The following DLG2 variants were observed in gnomAD, a reference collection of about 807,000 sequenced individuals.
DLG2 encodes discs large MAGUK scaffold protein 2.
A neutral mutation model predicts 132.5 loss-of-function variants in DLG2; 45 were observed. That is an observed-to-expected ratio of 0.34 (90% confidence interval 0.27 to 0.44). The LOEUF is 0.44. Among genes scored for constraint, DLG2 ranks in the 20% least tolerant of loss-of-function variants. DLG2 has a pLI of 1.00. For synonymous variants in DLG2, 424 were observed against 419.6 expected (o/e 1.01, Z -0.13); for missense variants, 1,045 against 1,196.9 (o/e 0.87, Z 1.87).
Position 84,008,971 on chromosome 11 carries a change from G to T in DLG2, c.920-28329C>A, listed in dbSNP as rs114572461. Among the ~76,000 whole-genome samples the T allele has an allele frequency of 4.4e-3, 658 of 151,002 alleles. 1 individual carries two copies. Among genetic ancestry groups the T allele is most frequent in the African/African-American group, 0.015 (636 of 41,192 alleles). On this transcript the variant is annotated intron_variant, in intron 11 of 27. Transcript: ENST00000376104. ...TTTTTTGACCTAGAGTGGGAATCAA[G>T]CATGTACTACTCAAACTACCTCTCT...
At position 84,358,623 on chromosome 11, in the gene DLG2, T is replaced by C. The variant is rs2098631931; in HGVS notation, c.520-107332A>G. Among the ~76,000 whole-genome samples the C allele has an allele frequency of 3.9e-5, 6 of 151,968 alleles. No individual in the cohort carries two copies. In the South Asian group the frequency reaches 1.2e-3, roughly 32 times the overall value. On this transcript the variant is annotated intron_variant, in intron 7 of 27. Coordinates refer to ENST00000376104, the MANE Select transcript of DLG2 (RefSeq NM_001142699.3). ...CCCAGGAACAAAGACTTGGCTATTATCACACATACATATTAAATGGCTGCT... is the reference window on the plus strand; with the variant it reads ...CCCAGGAACAAAGACTTGGCTATTACCACACATACATATTAAATGGCTGCT...
At chr11:84,696,054 AAAGT>A (rs1421086739) in intron 6 of DLG2, among the ~76,000 whole-genome samples, 2 of 151,562 alleles carry the variant, frequency 1.3e-5, no homozygotes, top group African/African-American at 4.8e-5. Context: ...CATGGTCTCC[AAAGT>A]AAGATGGAGA....
chr11:85,236,767 A>C (rs1211857447), intron 4 of DLG2, among the ~76,000 whole-genome samples: 2 of 152,052 alleles, frequency 1.3e-5, no homozygotes, highest in Non-Finnish European at 1.5e-5. Flanking sequence ...TGAGGTTCTA[A>C]AATTTTTATT....
chr11:84,530,332 A>G (rs1325334762), intron 7 of DLG2, among the ~76,000 whole-genome samples: 1 of 152,198 alleles, frequency 6.6e-6, no homozygotes, highest in East Asian at 1.9e-4. Context: ...ACAACAAAAG[A>G]AACTATCAAC....
In DLG2 at chr11:85,369,989, A is replaced by C. The variant is rs189948408; in HGVS notation, c.41-84624T>G. ...AAAATGTAGATGTCATTAAAATGTA[A>C]ATAGGTGAACTGAAGAATGCAGGTC... On this transcript the variant is annotated intron_variant, in intron 3 of 27. Coordinates refer to ENST00000376104, the MANE Select transcript of DLG2 (RefSeq NM_001142699.3). 7.9e-4 allele frequency among the ~76,000 whole-genome samples: 121 copies of C among 152,358 alleles called. 1 individual carries two copies. The highest frequency in any genetic ancestry group is 2.9e-3 in the Admixed American group (45 of 15,304).
chr11:84,658,135 T>G lies in DLG2; in HGVS notation c.358-123404A>C, dbSNP rs150948132. Among the ~76,000 whole-genome samples the G allele has an allele frequency of 2.9e-3, 442 of 152,218 alleles. 1 individual carries two copies. Among genetic ancestry groups the G allele is most frequent in the African/African-American group, 9.8e-3 (405 of 41,510 alleles). On this transcript the variant is annotated intron_variant, in intron 6 of 27. Transcript: ENST00000376104. ...TTCTCCCTTCTTCCTTCCTTCTTAC[T>G]TTCTATAGGATAAAATGTATACACG...
intron 6 of DLG2, among the ~76,000 whole-genome samples, chr11:84,597,111 T>C (rs888998914): frequency 6.6e-5 from 10 of 152,188 alleles, no homozygotes; most frequent in Admixed American, 5.2e-4. Flanking sequence ...TCCTAGCTAC[T>C]TGGGAGGCTG....
At chr11:84,576,181 T>A (rs1322283403) in intron 6 of DLG2, among the ~76,000 whole-genome samples, 1 of 152,214 alleles carries the variant, frequency 6.6e-6, no homozygotes, top group Admixed American at 6.5e-5. Flanking sequence ...TATAATACAA[T>A]TCACTTTTTC....
At chr11:85,499,573 G>T (rs544829728) in intron 3 of DLG2, among the ~76,000 whole-genome samples, 2 of 152,100 alleles carry the variant, frequency 1.3e-5, no homozygotes, top group Non-Finnish European at 2.9e-5. Flanking sequence ...GAAAAAGAGG[G>T]AATCCTCCCT....
At chr11:84,968,659 A>G (rs1432164952) in intron 6 of DLG2, among the ~76,000 whole-genome samples, 1 of 152,198 alleles carries the variant, frequency 6.6e-6, no homozygotes, top group Non-Finnish European at 1.5e-5. Flanking sequence ...GTAGAATTTT[A>G]TACATGTTAA....
intron 8 of DLG2, among the ~76,000 whole-genome samples, chr11:84,247,621 T>A (rs2097319479): frequency 6.6e-6 from 1 of 152,152 alleles, no homozygotes; most frequent in African/African-American, 2.4e-5. Flanking sequence ...ACTTAAGGCA[T>A]TTTCATGTAA....
intron 7 of DLG2, among the ~76,000 whole-genome samples, chr11:84,329,935 A>AAG (rs1221862346): frequency 1.3e-5 from 2 of 152,186 alleles, no homozygotes; most frequent in Admixed American, 6.5e-5. Context: ...AACTCTGACC[A>AAG]TTATTAGCTA....
At chr11:84,863,272 G>A (rs1373614893) in intron 6 of DLG2, among the ~76,000 whole-genome samples, 1 of 151,972 alleles carries the variant, frequency 6.6e-6, no homozygotes, top group Admixed American at 6.6e-5. Flanking sequence ...GCCAGCTCTT[G>A]CCATTTAGAT....
intron 7 of DLG2, among the ~76,000 whole-genome samples, chr11:84,303,214 TAGAGA>T (rs902635414): frequency 1.4e-4 from 21 of 152,080 alleles, no homozygotes; most frequent in Non-Finnish European, 4.4e-5. Flanking sequence ...TAAAATAGAT[TAGAGA>T]AATGAAAAAT....
At chr11:84,209,013 T>C (rs953849068) in intron 8 of DLG2, among the ~76,000 whole-genome samples, 1 of 152,188 alleles carries the variant, frequency 6.6e-6, no homozygotes, top group Non-Finnish European at 1.5e-5. Context: ...TTAAAAATTA[T>C]AGATATATGT....
chr11:84,485,376 C>A (rs893180404), intron 7 of DLG2, among the ~76,000 whole-genome samples: 3 of 152,004 alleles, frequency 2.0e-5, no homozygotes, highest in African/African-American at 2.4e-5. Flanking sequence ...TTATAAGAAA[C>A]CCCCAAATAA....
At chr11:85,040,976 G>T (rs904349784) in intron 6 of DLG2, among the ~76,000 whole-genome samples, 1 of 151,848 alleles carries the variant, frequency 6.6e-6, no homozygotes, top group African/African-American at 2.4e-5. Context: ...GAGCTGGTTT[G>T]TGTTCTTAAC....
At chr11:84,634,105 T>G (rs944861543) in intron 6 of DLG2, among the ~76,000 whole-genome samples, 21 of 152,276 alleles carry the variant, frequency 1.4e-4, no homozygotes, top group African/African-American at 4.8e-4. Flanking sequence ...CATTAAAACA[T>G]ATGTGAAGAG....
At chr11:85,390,987 T>C (rs1261460374) in intron 3 of DLG2, among the ~76,000 whole-genome samples, 1 of 151,780 alleles carries the variant, frequency 6.6e-6, no homozygotes, top group Non-Finnish European at 1.5e-5. Context: ...AAATGATATA[T>C]GAAACAAAAA....
Sources: gnomAD v4.1 joint callset for allele counts (sites outside exome capture counted in the v4.1 genomes callset) on GRCh38, gnomAD v4.1.1 for gene constraint, MANE v1.5 for transcripts, NCBI Gene and HGNC (gene_info 2026-07-23, HGNC 2026-07-21) for gene names.